Variants in CIMIP4 observed in about 807,000 individuals in gnomAD.
CIMIP4 encodes the protein ciliary microtubule inner protein 4.
At chr22:36,994,299 C>T in the CIMIP4 span, among the ~76,000 whole-genome samples, 39 of 151,876 alleles carry the variant, frequency 2.6e-4, no homozygotes, top group African/African-American at 9.0e-4. Flanking sequence ...AATCCCTTAC[C>T]CAAGAGATTG....
chr22:36,996,834 A>T, the CIMIP4 span, among the ~76,000 whole-genome samples: 1 of 152,232 alleles, frequency 6.6e-6, no homozygotes, highest in Non-Finnish European at 1.5e-5. Context: ...AGACCAATGG[A>T]CAGAATAGAG....
chr22:36,995,754 A>G, the CIMIP4 span, among the ~76,000 whole-genome samples: 4 of 152,194 alleles, frequency 2.6e-5, no homozygotes, highest in Admixed American at 1.3e-4. Flanking sequence ...GCCACCGTGT[A>G]AGACGTGCCT....
chr22:37,001,599 G>A, the CIMIP4 span, among the ~76,000 whole-genome samples: 4 of 151,962 alleles, frequency 2.6e-5, no homozygotes, highest in Non-Finnish European at 4.4e-5. Context: ...TCTAAGCCTC[G>A]GTCTCCTTAT....
chr22:36,999,609 G>A, the CIMIP4 span, among the ~76,000 whole-genome samples: 2 of 139,900 alleles, frequency 1.4e-5, no homozygotes, highest in South Asian at 2.5e-4. Flanking sequence ...AGGGACCAGA[G>A]GTGCCTGACT....
the CIMIP4 span, among the ~76,000 whole-genome samples, chr22:37,005,587 G>A: frequency 2.0e-5 from 3 of 150,672 alleles, no homozygotes; most frequent in African/African-American, 7.3e-5. Context: ...ATCTGGAGTT[G>A]GAAGATGCAG....
the CIMIP4 span, among the ~76,000 whole-genome samples, chr22:36,992,426 A>G: frequency 1.3e-5 from 2 of 152,220 alleles, no homozygotes; most frequent in Non-Finnish European, 2.9e-5. Flanking sequence ...AGCAAAGAGT[A>G]AGAAACCATC....
chr22:36,991,253 T>C, the CIMIP4 span: 8 of 1,614,042 alleles, frequency 5.0e-6, no homozygotes, highest in African/African-American at 9.3e-5. Flanking sequence ...TTCAGGTTCA[T>C]AGCATTTTTC....
chr22:37,003,909 G>T, the CIMIP4 span: 1 of 1,507,764 alleles, frequency 6.6e-7, no homozygotes, highest in Non-Finnish European at 8.9e-7. Context: ...CTGCCCCAGG[G>T]AGTCCCTCCA....
chr22:37,000,000 G>C, the CIMIP4 span: 4 of 1,603,698 alleles, frequency 2.5e-6, no homozygotes, highest in Non-Finnish European at 3.4e-6. Flanking sequence ...CAGGGAGGCA[G>C]GGATGACAGA....
chr22:37,003,064 A>C, the CIMIP4 span, among the ~76,000 whole-genome samples: 1 of 152,232 alleles, frequency 6.6e-6, no homozygotes, highest in Non-Finnish European at 1.5e-5. Context: ...TCTTCCCTCC[A>C]AAACTTCAAG....
the CIMIP4 span, chr22:37,003,912 T>C: frequency 2.7e-6 from 4 of 1,504,434 alleles, no homozygotes; most frequent in Non-Finnish European, 3.6e-6. Flanking sequence ...CCCCAGGGAG[T>C]CCCTCCAGAA....
chr22:36,999,751 A>T, the CIMIP4 span: 2 of 1,512,170 alleles, frequency 1.3e-6, no homozygotes, highest in African/African-American at 1.4e-5. Flanking sequence ...CCTAGACCCC[A>T]TATGGAGTGG....
the CIMIP4 span, among the ~76,000 whole-genome samples, chr22:36,992,793 A>C: frequency 1.3e-5 from 2 of 152,042 alleles, no homozygotes; most frequent in Admixed American, 6.5e-5. Context: ...TAAAGAAATT[A>C]ATATTAGGAT....
At chr22:36,991,635 C>A in the CIMIP4 span, 3 of 1,495,428 alleles carry the variant, frequency 2.0e-6, no homozygotes, top group Non-Finnish European at 2.8e-6. Context: ...AATTCAGTGG[C>A]AGTCGGGTAC....
At chr22:36,999,100 TA>T in the CIMIP4 span, among the ~76,000 whole-genome samples, 6 of 151,946 alleles carry the variant, frequency 3.9e-5, no homozygotes, top group South Asian at 1.0e-3. Context: ...GGGATGGGGC[TA>T]GGGGTGTGGG....
At chr22:37,004,338 CT>C in the CIMIP4 span, among the ~76,000 whole-genome samples, 1 of 151,844 alleles carries the variant, frequency 6.6e-6, no homozygotes, top group Admixed American at 6.6e-5. Flanking sequence ...GAACCCTGGG[CT>C]CATTTTACTC....
chr22:36,995,992 T>C, the CIMIP4 span, among the ~76,000 whole-genome samples: 2 of 152,192 alleles, frequency 1.3e-5, no homozygotes, highest in African/African-American at 4.8e-5. Context: ...CAGATGCTGA[T>C]ATAAAGGTAA....
chr22:37,003,847 G>T, the CIMIP4 span: 1 of 1,005,162 alleles, frequency 9.9e-7, no homozygotes, highest in Non-Finnish European at 1.4e-6. Context: ...GCCGATGGTG[G>T]GTCTGGAGGC....
chr22:36,993,037 G>C, the CIMIP4 span, among the ~76,000 whole-genome samples: 3 of 147,776 alleles, frequency 2.0e-5, no homozygotes, highest in African/African-American at 7.5e-5. Flanking sequence ...TTTTGAGACG[G>C]AGTCTCGCTC....
Sources: allele counts gnomAD v4.1 joint callset (sites outside exome capture counted in the v4.1 genomes callset), GRCh38; gene constraint gnomAD v4.1.1; transcripts MANE v1.5; gene names NCBI Gene and HGNC (gene_info 2026-07-23, HGNC 2026-07-21).